The following GABBR1 variants were observed in gnomAD, a reference collection of about 807,000 sequenced individuals.
GABBR1 encodes the protein GABA-B receptor, R1 subunit.
Under a neutral mutation model 117.7 loss-of-function variants are expected in GABBR1, and 35 were observed. The ratio of observed to expected loss-of-function variants is 0.30; its 90% CI spans 0.23 to 0.39. The LOEUF (loss-of-function observed/expected upper bound fraction) is 0.39, where lower values mean the gene tolerates loss of function less well. Among genes scored for constraint, GABBR1 ranks in the 10% least tolerant of loss-of-function variants. The pLI is 1.00. For missense variants in GABBR1, 709 were observed against 1,241.8 expected (o/e 0.57, Z 6.45); for synonymous variants, 442 against 486.6 (o/e 0.91, Z 1.21).
intron 11 of GABBR1, among the ~76,000 whole-genome samples, chr6:29,618,266 G>C (rs1386285081): frequency 6.6e-6 from 1 of 152,192 alleles, no homozygotes; most frequent in Non-Finnish European, 1.5e-5. Context: ...TGCTCAGGTG[G>C]TCAGACCCTG....
intron 16 of GABBR1, 135 bp downstream of exon 16, chr6:29,608,466 G>A: frequency 1.1e-6 from 1 of 893,446 alleles, no homozygotes; most frequent in Non-Finnish European, 1.7e-6. Flanking sequence ...GAGGGGTGAT[G>A]CTAGAAGGAA....
rs972381494 is a variant in GABBR1, at chr6:29,603,245, T to C, written c.*298A>G. The stretch of plus-strand genomic sequence containing the variant: ...GTTGCATGGGAAGAGAAAGATGCAG[T>C]GAGGCTGCTGAGGAGGCAGCGTGTG... On this transcript the variant is annotated 3_prime_UTR_variant, in exon 23 of 23. Transcript: ENST00000377034. 8.4e-6 allele frequency: 5 copies of C among 595,456 alleles called. No individual in the cohort carries two copies. Among genetic ancestry groups the C allele is most frequent in the Middle Eastern group, 5.2e-4 (2 of 3,874 alleles). 36.9% of individuals were successfully genotyped at this position (595,456 alleles called of 1,614,324 possible). A position where few individuals can be genotyped will look rare whatever the true frequency, so the allele number is the denominator to read the frequency against.
intron 6 of GABBR1, chr6:29,624,334 C>A (rs1336990219): frequency 8.7e-6 from 2 of 231,138 alleles, no homozygotes; most frequent in Non-Finnish European, 1.7e-5. Flanking sequence ...CCCCTTCCCT[C>A]TGTCACCAAG....
intron 11 of GABBR1, among the ~76,000 whole-genome samples, chr6:29,616,241 G>A (rs1373823674): frequency 6.6e-6 from 1 of 151,328 alleles, no homozygotes; most frequent in African/African-American, 2.4e-5. Context: ...GTGATGGTGG[G>A]CTCCCGTAAT....
At position 29,629,003 on chromosome 6, in the gene GABBR1, T is replaced by G. The variant is rs182056040; in HGVS notation, c.496+84A>C. On this transcript the variant is annotated intron_variant, in intron 5 of 22. Transcript: ENST00000377034. ...TGCGAAAGGACGACGCCCCGTAGCC[T>G]AAGGGCAGAATTTCAGGGGGGTGGA... 140 of 1,540,248 alleles carry G rather than the reference T, an allele frequency of 9.1e-5. 1 individual carries two copies. The highest frequency in any genetic ancestry group is 4.0e-4 in the Admixed American group (24 of 59,794).
intron 11 of GABBR1, among the ~76,000 whole-genome samples, chr6:29,616,070 G>A (rs986830816): frequency 6.6e-6 from 1 of 152,112 alleles, no homozygotes; most frequent in Non-Finnish European, 1.5e-5. Flanking sequence ...GTGTGGTGGC[G>A]CATGCCTGTA....
chr6:29,605,236 C>T lies in GABBR1; in HGVS notation c.2440-248G>A, dbSNP rs1366237033. 2 of 565,910 alleles carry T rather than the reference C, an allele frequency of 3.5e-6. No homozygotes were observed. The highest frequency in any genetic ancestry group is 3.5e-5 in the Admixed American group (1 of 28,538). The allele number at this position is 565,910 out of a possible 1,614,324, so 35.1% of individuals were successfully genotyped here. A position where few individuals can be genotyped will look rare whatever the true frequency, so the allele number is the denominator to read the frequency against. On this transcript the variant is annotated intron_variant, in intron 20 of 22. Coordinates refer to ENST00000377034, the MANE Select transcript of GABBR1 (RefSeq NM_001470.4). This position sits in a 1 kb window ranked among gnomAD's most constrained non-coding sequence, Gnocchi z 4.2. ...CTCCCAGGATCTCTATGCACAGATTCCGGGTCCTCCAGAGTCGGTCCCTGG... is the reference window on the plus strand; with the variant it reads ...CTCCCAGGATCTCTATGCACAGATTTCGGGTCCTCCAGAGTCGGTCCCTGG...
In GABBR1 at chr6:29,631,076, G is replaced by A. The variant is rs1455379280; in HGVS notation, c.289+320C>T. Among the ~76,000 whole-genome samples, 1 of 152,160 alleles carries A rather than the reference G, an allele frequency of 6.6e-6. No homozygotes were observed. The highest frequency in any genetic ancestry group is 1.9e-4 in the East Asian group (1 of 5,202). ...TGACAGAGGTATTCAAAAATGTGAT[G>A]AAATCATTTTAGAATTTTTTTGTCA... On this transcript the variant is annotated intron_variant, in intron 3 of 22. Coordinates refer to ENST00000377034, the MANE Select transcript of GABBR1 (RefSeq NM_001470.4). This position sits in a 1 kb window ranked among gnomAD's most constrained non-coding sequence, Gnocchi z 5.9.
intron 11 of GABBR1, among the ~76,000 whole-genome samples, chr6:29,618,535 A>G (rs1763408401): frequency 6.6e-6 from 1 of 152,206 alleles, no homozygotes; most frequent in Admixed American, 6.5e-5. Flanking sequence ...GCTCTCAAGA[A>G]TGGATGCTTG....
At position 29,632,552 on chromosome 6, in the gene GABBR1, G is replaced by C. The variant is rs55701059; in HGVS notation, c.1-167C>G. Reference sequence around the variant, plus strand: ...GCGGGGGCGGAGCCCCGCGCGGGGTGGGGGGAGAGGAGGAGAGAAAGCCTG... The same window carrying C: ...GCGGGGGCGGAGCCCCGCGCGGGGTCGGGGGAGAGGAGGAGAGAAAGCCTG... On this transcript the variant is annotated intron_variant, in intron 1 of 22. Transcript: ENST00000377034. The surrounding 1 kb of genome is among the most constrained non-coding windows in gnomAD (Gnocchi z 5.8). 85 of 879,636 alleles carry C rather than the reference G, an allele frequency of 9.7e-5. No homozygotes were observed. Among genetic ancestry groups the C allele is most frequent in the East Asian group, 2.0e-4 (6 of 29,994 alleles). The allele number at this position is 879,636 out of a possible 1,614,324, so 54.5% of individuals were successfully genotyped here.
chr6:29,632,615 T>G lies in GABBR1; in HGVS notation c.1-230A>C. The stretch of plus-strand genomic sequence containing the variant: ...TCCTGCCTCCCTCGGCCCCCAACCC[T>G]CCCGGGACTCCACCTCTCACCACCT... On this transcript the variant is annotated intron_variant, in intron 1 of 22. Coordinates refer to ENST00000377034, the MANE Select transcript of GABBR1 (RefSeq NM_001470.4). This position sits in a 1 kb window ranked among gnomAD's most constrained non-coding sequence, Gnocchi z 5.8. 2.4e-6 allele frequency: 3 copies of G among 1,233,996 alleles called. No homozygotes were observed. The highest frequency in any genetic ancestry group is 2.2e-6 in the Non-Finnish European group (2 of 913,714). The allele number at this position is 1,233,996 out of a possible 1,614,324, so 76.4% of individuals were successfully genotyped here.
chr6:29,625,293 T>C (rs921343057), intron 6 of GABBR1, among the ~76,000 whole-genome samples: 13 of 152,196 alleles, frequency 8.5e-5, no homozygotes, highest in African/African-American at 2.9e-4. Context: ...CCCACATCTA[T>C]TACTCCAGAT....
chr6:29,620,293 A>G lies in GABBR1; in HGVS notation c.1323+808T>C, dbSNP rs1489309271. Reference sequence around the variant, plus strand: ...ATGCCACTGTTAGTAAAACTTTTTAAATCAAGCTATTTTGGGGCTTTACAA... The same window carrying G: ...ATGCCACTGTTAGTAAAACTTTTTAGATCAAGCTATTTTGGGGCTTTACAA... On this transcript the variant is annotated intron_variant, in intron 11 of 22. Transcript: ENST00000377034. This position sits in a 1 kb window ranked among gnomAD's most constrained non-coding sequence, Gnocchi z 4.5. Among the ~76,000 whole-genome samples, 3 of 152,232 alleles carry G rather than the reference A, an allele frequency of 2.0e-5. No homozygotes were observed. Among genetic ancestry groups the G allele is most frequent in the African/African-American group, 7.2e-5 (3 of 41,464 alleles).
In GABBR1 at chr6:29,624,006, T is replaced by C; in HGVS notation, c.676A>G (p.Thr226Ala). 1 of 1,612,624 alleles carries C rather than the reference T, an allele frequency of 6.2e-7. No individual in the cohort carries two copies. The highest frequency in any genetic ancestry group is 8.5e-7 in the Non-Finnish European group (1 of 1,179,714). The change falls in exon 7 of 23, where the codon ACC becomes GCC. Residue 226 changes from threonine (T) to alanine (A), a missense_variant. This residue lies in a region of GABBR1 where 192 missense variants were observed against 418.4 expected (regional missense o/e 0.46). Coordinates refer to ENST00000377034, the MANE Select transcript of GABBR1 (RefSeq NM_001470.4). Reference sequence around the variant, plus strand: ...TAGAGCAGCTCATATAGGTACTTGGTGGCTTGGCCTGGATCACACTGAAAG... The same window carrying C: ...TAGAGCAGCTCATATAGGTACTTGGCGGCTTGGCCTGGATCACACTGAAAG... Reference protein sequence around the residue: ...HDSKCDPGQATKYLYELLYND... With the variant: ...HDSKCDPGQAAKYLYELLYND...
chr6:29,624,755 C>A (rs112092209), intron 6 of GABBR1, among the ~76,000 whole-genome samples: 5,819 of 151,870 alleles, frequency 0.038, 335 homozygotes, highest in South Asian at 0.042. Flanking sequence ...AGGCTTGGAG[C>A]TAGGGAAAGT....
chr6:29,629,024 G>GT, intron 5 of GABBR1, 63 bp downstream of exon 5: 7 of 1,592,804 alleles, frequency 4.4e-6, no homozygotes, highest in Non-Finnish European at 6.0e-6. Flanking sequence ...TTTCAGGGGG[G>GT]TGGAGGGTGC....
Position 29,606,596 on chromosome 6 carries a change from T to G in GABBR1, c.2218-112A>C. On this transcript the variant is annotated intron_variant, in intron 18 of 22. Coordinates refer to ENST00000377034, the MANE Select transcript of GABBR1 (RefSeq NM_001470.4). The surrounding 1 kb of genome is among the most constrained non-coding windows in gnomAD (Gnocchi z 4.5). Reference sequence around the variant, plus strand: ...TTTCCTATGAGACCCTCAATGCTGATGCCAAATCTCATTCTAGGCCTAAGA... The same window carrying G: ...TTTCCTATGAGACCCTCAATGCTGAGGCCAAATCTCATTCTAGGCCTAAGA... The G allele has an allele frequency of 1.3e-6, 1 of 787,646 alleles. No individual in the cohort carries two copies. Among genetic ancestry groups the G allele is most frequent in the South Asian group, 1.4e-5 (1 of 69,466 alleles). 48.8% of individuals were successfully genotyped at this position (787,646 alleles called of 1,614,324 possible). A position where few individuals can be genotyped will look rare whatever the true frequency, so the allele number is the denominator to read the frequency against.
chr6:29,612,705 A>T, intron 12 of GABBR1, 91 bp from the exon 13 acceptor site: 2 of 1,134,102 alleles, frequency 1.8e-6, no homozygotes, highest in East Asian at 4.7e-5. Flanking sequence ...TCTGTTTTTG[A>T]TGTAATTGAG....
intron 11 of GABBR1, among the ~76,000 whole-genome samples, chr6:29,617,451 G>A (rs1404408302): frequency 1.3e-5 from 2 of 151,870 alleles, no homozygotes; most frequent in African/African-American, 2.4e-5. Context: ...ACAGGCACAC[G>A]ACACCACACC....
Sources: allele counts gnomAD v4.1 joint callset (sites outside exome capture counted in the v4.1 genomes callset), GRCh38; gene constraint gnomAD v4.1.1; regional missense constraint gnomAD v4.1.1; non-coding constraint Gnocchi (gnomAD v3.1); transcripts MANE v1.5; gene names NCBI Gene and HGNC (gene_info 2026-07-23, HGNC 2026-07-21).